NXPE2: variants seen among roughly 807,000 people sequenced by gnomAD.
NXPE2 encodes the protein NXPE family member 2.
In NXPE2, 34 loss-of-function variants were observed where a neutral mutation model predicts 34.4. The observed-to-expected ratio is 0.99, with a 90% CI of 0.75 to 1.31. The LOEUF is 1.31. Among genes scored for constraint, NXPE2 ranks in the 40% most tolerant of loss-of-function variants. The pLI is 0.00. For missense variants in NXPE2, 649 were observed against 672.5 expected, an observed-to-expected ratio of 0.97 and a Z score of 0.39; for synonymous variants, 235 against 231.3, an observed-to-expected ratio of 1.02 and a Z score of -0.15.
the NXPE2 span, among the ~76,000 whole-genome samples, chr11:114,806,098 C>T: frequency 6.6e-6 from 1 of 152,174 alleles, no homozygotes; most frequent in Non-Finnish European, 1.5e-5. Flanking sequence ...CTGGAGTGGA[C>T]CTCTAGCAAA....
At chr11:114,539,779 A>G in the NXPE2 span, among the ~76,000 whole-genome samples, 34,420 of 152,006 alleles carry the variant, frequency 0.23, 5,488 homozygotes, top group African/African-American at 0.44. Flanking sequence ...CAAATAAACC[A>G]ATCAAAAGAA....
the NXPE2 span, chr11:114,551,330 G>C: frequency 0.15 from 212,498 of 1,378,612 alleles, 21,313 homozygotes; most frequent in African/African-American, 0.46. Context: ...GTGAGTCACT[G>C]TCTTCTTTCC....
chr11:114,670,834 A>G, the NXPE2 span, among the ~76,000 whole-genome samples: 45 of 151,866 alleles, frequency 3.0e-4, no homozygotes, highest in Non-Finnish European at 5.9e-4. Flanking sequence ...GCAAAGAAAC[A>G]GGAGAGAATG....
chr11:114,660,284 C>T, the NXPE2 span, among the ~76,000 whole-genome samples: 5 of 151,866 alleles, frequency 3.3e-5, no homozygotes, highest in Admixed American at 2.6e-4. Context: ...AAGCACTTTG[C>T]AATTCATTTT....
chr11:114,678,672 GT>G (rs1950888609), intron 1 of NXPE2, 71 bp downstream of exon 1: 1 of 1,252,902 alleles, frequency 8.0e-7, no homozygotes, highest in Admixed American at 2.1e-5. Flanking sequence ...AGACCATTTG[GT>G]GTTTTTCAAA....
At chr11:114,742,861 A>G in the NXPE2 span, among the ~76,000 whole-genome samples, 1 of 152,190 alleles carries the variant, frequency 6.6e-6, no homozygotes, top group Admixed American at 6.5e-5. Context: ...TCTGATGTTT[A>G]TATGGGTTTG....
the NXPE2 span, among the ~76,000 whole-genome samples, chr11:114,509,941 T>C: frequency 6.6e-6 from 1 of 151,504 alleles, no homozygotes; most frequent in African/African-American, 2.4e-5. Flanking sequence ...TAAAAAAGAG[T>C]AAGAGTCCCT....
chr11:114,621,159 A>C, the NXPE2 span, among the ~76,000 whole-genome samples: 1 of 150,812 alleles, frequency 6.6e-6, no homozygotes, highest in African/African-American at 2.4e-5. Context: ...ACTGTTACCC[A>C]GTGGATAATT....
the NXPE2 span, among the ~76,000 whole-genome samples, chr11:114,502,195 A>G: frequency 1.3e-5 from 2 of 152,166 alleles, no homozygotes; most frequent in East Asian, 1.9e-4. Flanking sequence ...GGTGTTCTGT[A>G]CTGTGCCTAG....
chr11:114,658,245 A>G, the NXPE2 span, among the ~76,000 whole-genome samples: 96 of 152,346 alleles, frequency 6.3e-4, no homozygotes, highest in African/African-American at 2.1e-3. Flanking sequence ...TCACTTTTGA[A>G]AAGGGAGCAG....
chr11:114,570,695 G>A, the NXPE2 span: 6 of 316,588 alleles, frequency 1.9e-5, no homozygotes, highest in African/African-American at 4.3e-5. Flanking sequence ...TTGGTGAAGA[G>A]GGGTATGGCT....
chr11:114,672,659 A>T, the NXPE2 span, among the ~76,000 whole-genome samples: 4 of 151,902 alleles, frequency 2.6e-5, no homozygotes, highest in Admixed American at 2.6e-4. Context: ...CAATAATATG[A>T]AAGATGAGGT....
chr11:114,626,720 C>T, the NXPE2 span, among the ~76,000 whole-genome samples: 5 of 151,992 alleles, frequency 3.3e-5, no homozygotes, highest in South Asian at 2.1e-4. Context: ...CAAATTATTC[C>T]GAGCTATGGG....
At chr11:114,643,378 T>G in the NXPE2 span, among the ~76,000 whole-genome samples, 15 of 152,146 alleles carry the variant, frequency 9.9e-5, no homozygotes, top group Non-Finnish European at 7.4e-5. Flanking sequence ...TCTAGTGTTT[T>G]TATAGCTTTA....
chr11:114,536,712 C>A, the NXPE2 span, among the ~76,000 whole-genome samples: 1 of 152,334 alleles, frequency 6.6e-6, no homozygotes, highest in South Asian at 2.1e-4. Context: ...GACACATACA[C>A]TCTCCCAAGA....
upstream of NXPE2, among the ~76,000 whole-genome samples, chr11:114,677,144 G>A (rs951312335): frequency 3.9e-5 from 6 of 152,028 alleles, no homozygotes; most frequent in Admixed American, 6.6e-5. Flanking sequence ...GGGGATGTTG[G>A]TCAGAAGACT....
At chr11:114,783,795 T>C in the NXPE2 span, among the ~76,000 whole-genome samples, 1 of 152,226 alleles carries the variant, frequency 6.6e-6, no homozygotes, top group Non-Finnish European at 1.5e-5. Context: ...ATTTGGTTAG[T>C]ACTCAGATTC....
At chr11:114,763,551 T>A in the NXPE2 span, among the ~76,000 whole-genome samples, 1 of 152,210 alleles carries the variant, frequency 6.6e-6, no homozygotes, top group Non-Finnish European at 1.5e-5. Flanking sequence ...TCAACTGAAA[T>A]AAATGATCAC....
chr11:114,570,584 A>C, the NXPE2 span: 1 of 164,184 alleles, frequency 6.1e-6, no homozygotes, highest in Non-Finnish European at 1.3e-5. Context: ...AAATAAACAA[A>C]CAGGACTGCT....
Sources: allele counts gnomAD v4.1 joint callset (sites outside exome capture counted in the v4.1 genomes callset), GRCh38; gene constraint gnomAD v4.1.1; transcripts MANE v1.5; gene names NCBI Gene and HGNC (gene_info 2026-07-23, HGNC 2026-07-21).